PPP3CA: variants seen among roughly 807,000 people sequenced by gnomAD.
PPP3CA encodes protein phosphatase 3 catalytic subunit alpha, also known as CAM-PRP catalytic subunit.
A neutral mutation model predicts 66.5 loss-of-function variants in PPP3CA; 14 were observed. The ratio of observed to expected loss-of-function variants is 0.21; its 90% CI spans 0.14 to 0.33. The LOEUF (loss-of-function observed/expected upper bound fraction) is 0.33. Among genes scored for constraint, PPP3CA ranks in the 10% least tolerant of loss-of-function variants. The probability of loss-of-function intolerance (pLI) is 1.00; values close to 1 mark genes in which losing one functional copy is unlikely to be tolerated. For synonymous variants in PPP3CA, 232 were observed against 226.2 expected (o/e 1.03, Z -0.23); for missense variants, 317 against 639.5 (o/e 0.50, Z 5.44).
chr4:101,234,301 A>G (rs1020000199), intron 1 of PPP3CA, among the ~76,000 whole-genome samples: 21 of 151,792 alleles, frequency 1.4e-4, no homozygotes, highest in Non-Finnish European at 1.2e-4. Context: ...TCTTTGAGGA[A>G]CTGCCTCACT....
intron 8 of PPP3CA, among the ~76,000 whole-genome samples, chr4:101,068,703 T>TC (rs1292736034): frequency 1.3e-5 from 2 of 152,130 alleles, no homozygotes; most frequent in Non-Finnish European, 2.9e-5. Flanking sequence ...CTCCTTTTTT[T>TC]CCCCTTCAAT....
chr4:101,173,212 G>T (rs4699109), intron 2 of PPP3CA, among the ~76,000 whole-genome samples: 11,506 of 152,172 alleles, frequency 0.076, 606 homozygotes, highest in East Asian at 0.19. Flanking sequence ...GGATGAGGGG[G>T]TGAGGGGTGT....
chr4:101,282,898 G>A (rs1293144111), intron 1 of PPP3CA, among the ~76,000 whole-genome samples: 3 of 152,116 alleles, frequency 2.0e-5, no homozygotes, highest in Non-Finnish European at 4.4e-5. Context: ...GATAAAATAA[G>A]CAGCCATTTT....
intron 1 of PPP3CA, among the ~76,000 whole-genome samples, chr4:101,247,202 C>T (rs557836527): frequency 6.6e-6 from 1 of 151,780 alleles, no homozygotes; most frequent in Admixed American, 6.6e-5. Context: ...CTCACTGTCA[C>T]CCAGGCTGGA....
At chr4:101,048,883 A>G (rs1727889714) in intron 10 of PPP3CA, among the ~76,000 whole-genome samples, 2 of 152,252 alleles carry the variant, frequency 1.3e-5, no homozygotes, top group South Asian at 4.1e-4. Flanking sequence ...TTTGAAAGCA[A>G]CAGAAGAGCC....
chr4:101,071,298 T>A (rs554463188), intron 8 of PPP3CA, among the ~76,000 whole-genome samples: 1 of 152,328 alleles, frequency 6.6e-6, no homozygotes, highest in South Asian at 2.1e-4. Flanking sequence ...AAGATATCCT[T>A]GGCACTGAGT....
At chr4:101,137,951 T>A (rs1236917834) in intron 2 of PPP3CA, among the ~76,000 whole-genome samples, 2 of 151,926 alleles carry the variant, frequency 1.3e-5, no homozygotes, top group Admixed American at 6.6e-5. Flanking sequence ...GCAAGGACTT[T>A]GTCTTTATTA....
intron 2 of PPP3CA, among the ~76,000 whole-genome samples, chr4:101,170,156 G>C (rs1191386296): frequency 1.5e-5 from 2 of 132,214 alleles, no homozygotes; most frequent in Non-Finnish European, 3.5e-5. Flanking sequence ...AAGATTCTTG[G>C]CTTACCAATT....
At chr4:101,057,032 AAATAT>A (rs949472466) in intron 10 of PPP3CA, among the ~76,000 whole-genome samples, 1 of 151,964 alleles carries the variant, frequency 6.6e-6, no homozygotes, top group Non-Finnish European at 1.5e-5. Context: ...GCTTATACTG[AAATAT>A]ATAATATCTT....
At chr4:101,090,538 A>T (rs1221730468) in intron 6 of PPP3CA, among the ~76,000 whole-genome samples, 1 of 146,880 alleles carries the variant, frequency 6.8e-6, no homozygotes, top group Non-Finnish European at 1.5e-5. Flanking sequence ...GCTACTCGGG[A>T]GGCTGAGACA....
chr4:101,098,031 C>A (rs1413920985), intron 5 of PPP3CA, among the ~76,000 whole-genome samples: 1 of 152,116 alleles, frequency 6.6e-6, no homozygotes, highest in South Asian at 2.1e-4. Context: ...AGCAACATTT[C>A]TAGCATAACA....
chr4:101,128,763 A>AT (rs1722330271), intron 2 of PPP3CA, among the ~76,000 whole-genome samples: 1 of 152,014 alleles, frequency 6.6e-6, no homozygotes, highest in Non-Finnish European at 1.5e-5. Context: ...AAACCAAGAG[A>AT]TTCCCTCGGG....
chr4:101,229,350 T>C (rs1474544730), intron 1 of PPP3CA, among the ~76,000 whole-genome samples: 1 of 151,626 alleles, frequency 6.6e-6, no homozygotes, highest in Non-Finnish European at 1.5e-5. Context: ...AGGCTGGGTC[T>C]AAGAAGCCAG....
rs1474296861 is a variant in PPP3CA at position 101,124,727 on chromosome 4, G to GAAAGAA, written c.260-15655_260-15650dup. On this transcript the variant is annotated intron_variant, in intron 2 of 13. Transcript: ENST00000394854. The stretch of plus-strand genomic sequence containing the variant: ...AAAGAAAGAAAGAAAGAAAGAAAGA[G>GAAAGAA]AAAGAAAGAAAGAAAGAAAGAAAGA... Among the ~76,000 whole-genome samples, 98 of 49,930 alleles carry GAAAGAA rather than the reference G, an allele frequency of 2.0e-3. 2 individuals are homozygous for GAAAGAA. Among genetic ancestry groups the GAAAGAA allele is most frequent in the African/African-American group, 6.8e-3 (93 of 13,760 alleles). 32.8% of individuals were successfully genotyped at this position (49,930 alleles called of 152,430 possible).
chr4:101,274,487 G>A (rs962730519), intron 1 of PPP3CA, among the ~76,000 whole-genome samples: 11 of 152,144 alleles, frequency 7.2e-5, no homozygotes, highest in African/African-American at 2.7e-4. Context: ...TAAAAGATCT[G>A]TGAATTATTT....
intron 2 of PPP3CA, among the ~76,000 whole-genome samples, chr4:101,192,147 C>T (rs879614814): frequency 6.6e-6 from 1 of 152,192 alleles, no homozygotes; most frequent in Admixed American, 6.5e-5. Flanking sequence ...AATCATCTTA[C>T]TGTTTTCAAG....
intron 3 of PPP3CA, among the ~76,000 whole-genome samples, chr4:101,100,827 C>T (rs1401942537): frequency 1.3e-5 from 2 of 151,928 alleles, no homozygotes; most frequent in Non-Finnish European, 1.5e-5. Flanking sequence ...ATTGGCTTTC[C>T]AATACAGTAG....
intron 1 of PPP3CA, among the ~76,000 whole-genome samples, chr4:101,257,060 G>A (rs911605676): frequency 6.6e-6 from 1 of 151,944 alleles, no homozygotes; most frequent in Non-Finnish European, 1.5e-5. Flanking sequence ...TTCTAGTTCT[G>A]CTATGTGACC....
chr4:101,222,956 T>C (rs1725671536), intron 1 of PPP3CA, among the ~76,000 whole-genome samples: 1 of 151,776 alleles, frequency 6.6e-6, no homozygotes, highest in Non-Finnish European at 1.5e-5. Context: ...CCAAAAATCA[T>C]TTGTATGTGA....
Sources: gnomAD v4.1 joint callset for allele counts (sites outside exome capture counted in the v4.1 genomes callset) on GRCh38, gnomAD v4.1.1 for gene constraint, MANE v1.5 for transcripts, NCBI Gene and HGNC (gene_info 2026-07-23, HGNC 2026-07-21) for gene names.